The following PRLR variants were observed in gnomAD, a reference collection of about 807,000 sequenced individuals.
The protein encoded by PRLR is hPRL receptor.
Under a neutral mutation model 40.2 loss-of-function variants are expected in PRLR, and 13 were observed. The observed-to-expected ratio is 0.32, with a 90% CI of 0.21 to 0.51. The LOEUF is 0.51. Ranked by LOEUF, PRLR falls within the 20% of genes least tolerant of loss-of-function variation. The pLI is 0.97. For synonymous variants in PRLR, 269 were observed against 278.7 expected (o/e 0.97, Z 0.35); for missense variants, 656 against 747.3 (o/e 0.88, Z 1.42).
At chr5:35,114,303 T>C (rs1188372641) in intron 2 of PRLR, among the ~76,000 whole-genome samples, 2 of 152,240 alleles carry the variant, frequency 1.3e-5, no homozygotes, top group Non-Finnish European at 2.9e-5. Context: ...AGCATGAGTA[T>C]CTTTTAATGT....
chr5:35,153,196 G>A (rs564837358), intron 1 of PRLR, among the ~76,000 whole-genome samples: 126 of 152,256 alleles, frequency 8.3e-4, no homozygotes, highest in African/African-American at 2.8e-3. Context: ...GATTAGTAGC[G>A]ATCCTTCCAA....
At chr5:35,081,881 C>A in intron 5 of PRLR, 1 of 187,374 alleles carries the variant, frequency 5.3e-6, no homozygotes, top group Non-Finnish European at 1.1e-5. Context: ...CCCTCTTCTA[C>A]TTTTGGGGCT....
Position 35,069,683 on chromosome 5 carries a change from G to T in PRLR, c.685+441C>A, listed in dbSNP as rs1769616033. Among the ~76,000 whole-genome samples, 5 of 152,322 alleles carry T rather than the reference G, an allele frequency of 3.3e-5. No homozygotes were observed. The South Asian group carries it at 1.0e-3, about 32-fold the overall frequency. On this transcript the variant is annotated intron_variant, in intron 7 of 9. Coordinates refer to ENST00000618457, the MANE Select transcript of PRLR (RefSeq NM_000949.7). Reference sequence around the variant, plus strand: ...TATAGAACACAAGCTACTGAATTAAGGTGCTTTGCTGGAGCTGTCTATCTT... The same window carrying T: ...TATAGAACACAAGCTACTGAATTAATGTGCTTTGCTGGAGCTGTCTATCTT...
At chr5:35,108,002 A>G (rs951068284) in intron 2 of PRLR, among the ~76,000 whole-genome samples, 13 of 152,234 alleles carry the variant, frequency 8.5e-5, no homozygotes, top group Admixed American at 6.5e-5. Flanking sequence ...TGAATCCAGC[A>G]GCACATCAAA....
chr5:35,094,637 G>T lies in PRLR; in HGVS notation c.-43-4974C>A, dbSNP rs900611842. 1.1e-4 allele frequency among the ~76,000 whole-genome samples: 16 copies of T among 152,046 alleles called. 1 individual carries two copies. The highest frequency in any genetic ancestry group is 2.4e-4 in the African/African-American group (10 of 41,398). ...AAAAAGGCAAAAAGTCTCATTTCTT[G>T]CAAACAAATTTTGAATACATTCATC... On this transcript the variant is annotated intron_variant, in intron 2 of 9. Coordinates refer to ENST00000618457, the MANE Select transcript of PRLR (RefSeq NM_000949.7).
chr5:35,225,777 G>A (rs1579821470), intron 1 of PRLR, among the ~76,000 whole-genome samples: 3 of 152,306 alleles, frequency 2.0e-5, no homozygotes, highest in Admixed American at 2.0e-4. Flanking sequence ...CGCCTCCCGG[G>A]TTCAAGAGAC....
intron 5 of PRLR, among the ~76,000 whole-genome samples, chr5:35,083,476 G>A (rs1338087914): frequency 4.1e-5 from 6 of 147,626 alleles, no homozygotes; most frequent in African/African-American, 1.0e-4. Context: ...GTGTGTGTGT[G>A]CACAGACCAT....
At chr5:35,159,195 T>C (rs1774598376) in intron 1 of PRLR, among the ~76,000 whole-genome samples, 1 of 152,042 alleles carries the variant, frequency 6.6e-6, no homozygotes, top group African/African-American at 2.4e-5. Context: ...TAGCCCCTCA[T>C]TCTGCACTGG....
intron 1 of PRLR, among the ~76,000 whole-genome samples, chr5:35,159,019 T>G (rs112760586): frequency 6.6e-6 from 1 of 152,162 alleles, no homozygotes; most frequent in Non-Finnish European, 1.5e-5. Context: ...TTTCTGACAC[T>G]TACAACCAAA....
chr5:35,178,325 T>C (rs1775203287), intron 1 of PRLR, among the ~76,000 whole-genome samples: 2 of 152,198 alleles, frequency 1.3e-5, no homozygotes, highest in Non-Finnish European at 2.9e-5. Context: ...TTGACTCTTA[T>C]GTGTCATATA....
chr5:35,070,718 C>T (rs553421667), intron 6 of PRLR, among the ~76,000 whole-genome samples: 8 of 151,756 alleles, frequency 5.3e-5, no homozygotes, highest in African/African-American at 1.9e-4. Flanking sequence ...TGGCACATGC[C>T]TGTAATCCCA....
At chr5:35,124,752 G>C (rs1379250084) in intron 1 of PRLR, among the ~76,000 whole-genome samples, 3 of 151,564 alleles carry the variant, frequency 2.0e-5, no homozygotes, top group Admixed American at 2.0e-4. Flanking sequence ...ATTGAAGTTA[G>C]AGTTGGATCA....
At chr5:35,094,092 A>G (rs1020676420) in intron 2 of PRLR, among the ~76,000 whole-genome samples, 1 of 152,222 alleles carries the variant, frequency 6.6e-6, no homozygotes, top group African/African-American at 2.4e-5. Context: ...AAGTATCACA[A>G]AAAGAATATA....
At chr5:35,132,047 C>A (rs968044628) in intron 1 of PRLR, among the ~76,000 whole-genome samples, 2 of 152,172 alleles carry the variant, frequency 1.3e-5, no homozygotes, top group African/African-American at 4.8e-5. Flanking sequence ...AGTCATAGTA[C>A]CTCACCCTTC....
intron 8 of PRLR, among the ~76,000 whole-genome samples, chr5:35,050,212 T>G (rs1768448251): frequency 6.6e-6 from 1 of 152,200 alleles, no homozygotes; most frequent in South Asian, 2.1e-4. Context: ...CAAAACTATA[T>G]TCTAAGATGT....
At chr5:35,105,940 T>G (rs1267226883) in intron 2 of PRLR, among the ~76,000 whole-genome samples, 5 of 152,058 alleles carry the variant, frequency 3.3e-5, no homozygotes, top group South Asian at 2.1e-4. Context: ...TCACCAAAGT[T>G]GAAATGAAGG....
At chr5:35,153,758 T>TGCACACACTACACACACTCC (rs574624374) in intron 1 of PRLR, among the ~76,000 whole-genome samples, 2 of 140,606 alleles carry the variant, frequency 1.4e-5, no homozygotes, top group African/African-American at 6.0e-5. Flanking sequence ...CTACACACAC[T>TGCACACACTACACACACTCC]ACACACACAC....
exon 9 of PRLR, chr5:35,049,100 A>T: frequency 2.9e-6 from 2 of 689,008 alleles, no homozygotes; most frequent in South Asian, 1.5e-5. Flanking sequence ...TCCAGCTCCC[A>T]GTCAATTCTG....
intron 1 of PRLR, among the ~76,000 whole-genome samples, chr5:35,124,328 G>T (rs1443140780): frequency 6.6e-6 from 1 of 150,708 alleles, no homozygotes; most frequent in East Asian, 2.0e-4. Flanking sequence ...TACGGCCAAG[G>T]ATGAAATGGG....
Sources: gnomAD v4.1 joint callset for allele counts (sites outside exome capture counted in the v4.1 genomes callset) on GRCh38, gnomAD v4.1.1 for gene constraint, MANE v1.5 for transcripts, NCBI Gene and HGNC (gene_info 2026-07-23, HGNC 2026-07-21) for gene names.